The following CSMD1 variants were observed in gnomAD, a reference collection of about 807,000 sequenced individuals.
CSMD1 encodes CUB and sushi domain-containing protein 1.
In CSMD1, 213 loss-of-function variants were observed where a neutral mutation model predicts 417.5. The observed-to-expected ratio is 0.51, with a 90% CI of 0.46 to 0.57. CSMD1 has a LOEUF of 0.57. CSMD1 is among the 20% of genes least tolerant of loss of function. CSMD1 has a pLI of 0.00. For missense variants in CSMD1, 6,923 were observed against 4,529.7 expected, an observed-to-expected ratio of 1.53 and a Z score of -15.17; for synonymous variants, 2,862 against 1,736.8, an observed-to-expected ratio of 1.65 and a Z score of -16.11.
rs112831300 is a variant in CSMD1 at position 3,359,025 on chromosome 8, A to C, written c.3304+127T>G. ...CCCTCTCCCCTGGTTGGCAGAGTGGAGCCCACACTTTCACCCTCTCCTTCC... is the reference window on the plus strand; with the variant it reads ...CCCTCTCCCCTGGTTGGCAGAGTGGCGCCCACACTTTCACCCTCTCCTTCC... On this transcript the variant is annotated intron_variant, in intron 21 of 69. Transcript: ENST00000635120. 9.9e-4 allele frequency: 795 copies of C among 801,278 alleles called. 6 individuals are homozygous for C. In the African/African-American group the frequency reaches 0.012, roughly 12 times the overall value. The allele number at this position is 801,278 out of a possible 1,614,324, so 49.6% of individuals were successfully genotyped here. A position where few individuals can be genotyped will look rare whatever the true frequency, so the allele number is the denominator to read the frequency against.
intron 5 of CSMD1, among the ~76,000 whole-genome samples, chr8:3,838,524 CTATA>C (rs200644430): frequency 7.8e-6 from 1 of 128,070 alleles, no homozygotes; most frequent in African/African-American, 3.0e-5. Context: ...ATAATATAGC[CTATA>C]TATATAGTCT....
intron 5 of CSMD1, among the ~76,000 whole-genome samples, chr8:3,975,630 C>T (rs1813380215): frequency 6.6e-6 from 1 of 152,090 alleles, no homozygotes; most frequent in African/African-American, 2.4e-5. Flanking sequence ...ACTAAAGTGC[C>T]TGTAGGTGCC....
chr8:4,173,010 A>T (rs995492447), intron 3 of CSMD1, among the ~76,000 whole-genome samples: 1 of 152,164 alleles, frequency 6.6e-6, no homozygotes, highest in African/African-American at 2.4e-5. Context: ...TTGAAATAAT[A>T]AATGCTTGGT....
chr8:4,143,147 C>T (rs541594226), intron 3 of CSMD1, among the ~76,000 whole-genome samples: 1 of 139,930 alleles, frequency 7.1e-6, no homozygotes, highest in African/African-American at 2.7e-5. Context: ...TCTAGAGAAA[C>T]AAATGCACTA....
At chr8:4,417,817 T>C (rs1315603931) in intron 3 of CSMD1, among the ~76,000 whole-genome samples, 4 of 152,066 alleles carry the variant, frequency 2.6e-5, no homozygotes, top group African/African-American at 9.7e-5. Flanking sequence ...CAAATTGGTG[T>C]ATTTGCTTAT....
At chr8:4,954,269 G>A (rs1256189848) in intron 1 of CSMD1, among the ~76,000 whole-genome samples, 2 of 152,188 alleles carry the variant, frequency 1.3e-5, no homozygotes, top group African/African-American at 2.4e-5. Flanking sequence ...ACGATATGGT[G>A]TGATAAGTGT....
chr8:4,171,828 T>C (rs1248497800), intron 3 of CSMD1, among the ~76,000 whole-genome samples: 2 of 152,124 alleles, frequency 1.3e-5, no homozygotes, highest in African/African-American at 2.4e-5. Flanking sequence ...TAAATCCCAG[T>C]TTAATAAAAA....
chr8:4,662,894 T>C (rs941132586), intron 1 of CSMD1, among the ~76,000 whole-genome samples: 1 of 152,138 alleles, frequency 6.6e-6, no homozygotes, highest in Admixed American at 6.5e-5. Context: ...CAAAATGAGT[T>C]AGCCAAAAGA....
chr8:4,744,795 C>A (rs1810848324), intron 1 of CSMD1, among the ~76,000 whole-genome samples: 1 of 152,102 alleles, frequency 6.6e-6, no homozygotes, highest in Admixed American at 6.5e-5. Flanking sequence ...TCTTCATTAA[C>A]TTCCAAGGAG....
intron 2 of CSMD1, among the ~76,000 whole-genome samples, chr8:4,544,773 C>A (rs1316037001): frequency 2.0e-5 from 3 of 152,176 alleles, no homozygotes; most frequent in African/African-American, 7.2e-5. Context: ...AAGGGCAGCA[C>A]TGCTGTTCAC....
intron 11 of CSMD1, among the ~76,000 whole-genome samples, chr8:3,473,943 G>C (rs1159988719): frequency 6.6e-6 from 1 of 152,138 alleles, no homozygotes; most frequent in Non-Finnish European, 1.5e-5. Context: ...GAGAGCATGT[G>C]AGGGAGGAAA....
At chr8:3,842,040 C>T (rs35675163) in intron 5 of CSMD1, among the ~76,000 whole-genome samples, 19,345 of 152,180 alleles carry the variant, frequency 0.13, 1,286 homozygotes, top group East Asian at 0.16. Context: ...CTAATGCATA[C>T]CCTTGTTCTT....
intron 1 of CSMD1, among the ~76,000 whole-genome samples, chr8:4,883,314 T>G (rs911179371): frequency 1.3e-5 from 2 of 152,104 alleles, no homozygotes; most frequent in Non-Finnish European, 2.9e-5. Context: ...ATATAATACC[T>G]CTATTTGGAT....
chr8:3,083,649 T>TA (rs58461366), intron 49 of CSMD1, among the ~76,000 whole-genome samples: 66 of 11,172 alleles, frequency 5.9e-3, no homozygotes, highest in South Asian at 0.037. Flanking sequence ...TATATATATA[T>TA]TTTTTTTTTT....
At chr8:4,497,790 C>G (rs1016329327) in intron 2 of CSMD1, among the ~76,000 whole-genome samples, 4 of 152,182 alleles carry the variant, frequency 2.6e-5, no homozygotes, top group African/African-American at 9.6e-5. Context: ...TGAAGCTTAG[C>G]AGAAAGATTG....
intron 49 of CSMD1, among the ~76,000 whole-genome samples, chr8:3,065,279 ATACATAGATAGATAGATAGATAGG>A (rs1318917504): frequency 2.1e-5 from 3 of 141,494 alleles, no homozygotes; most frequent in African/African-American, 8.2e-5. Flanking sequence ...CTGGAATATG[ATACATAGATAGATAGATAGATAGG>A]TAGATAGATA....
intron 41 of CSMD1, among the ~76,000 whole-genome samples, chr8:3,124,556 T>C (rs1347534909): frequency 6.6e-6 from 1 of 152,172 alleles, no homozygotes; most frequent in Non-Finnish European, 1.5e-5. Context: ...AAGAGTTCAG[T>C]GTCTGGGATA....
In CSMD1 at chr8:2,966,749, G is replaced by C. The variant is rs757446974; in HGVS notation, c.8924-3C>G. On this transcript the variant is annotated splice_region_variant and splice_polypyrimidine_tract_variant and intron_variant, in intron 57 of 69. Transcript: ENST00000635120. ...GCCAGGGTTGCCACAGGACACGGCT[G>C]TTAGGCAAACAAGAACACCACCACA... The C allele has an allele frequency of 6.2e-7, 1 of 1,612,462 alleles. No individual in the cohort carries two copies. The highest frequency in any genetic ancestry group is 8.5e-7 in the Non-Finnish European group (1 of 1,179,260).
intron 41 of CSMD1, among the ~76,000 whole-genome samples, chr8:3,135,683 C>A: frequency 6.6e-6 from 1 of 151,518 alleles, no homozygotes; most frequent in East Asian, 1.9e-4. Context: ...CCCTTTAAAA[C>A]ATGCTCTTGA....
Sources: gnomAD v4.1 joint callset for allele counts (sites outside exome capture counted in the v4.1 genomes callset) on GRCh38, gnomAD v4.1.1 for gene constraint, MANE v1.5 for transcripts, NCBI Gene and HGNC (gene_info 2026-07-23, HGNC 2026-07-21) for gene names.